Variants in NCOR2 observed in about 807,000 individuals in gnomAD.
NCOR2 encodes the protein CTG repeat protein 26.
NCOR2 carries 81 observed loss-of-function variants against 262.9 expected under a neutral mutation model. The ratio of observed to expected loss-of-function variants is 0.31; its 90% confidence interval spans 0.26 to 0.37. NCOR2 has a LOEUF of 0.37. Ranked by LOEUF, NCOR2 falls within the 10% of genes least tolerant of loss-of-function variation. The pLI is 1.00. For synonymous variants in NCOR2, 1,659 were observed against 1,559.3 expected, an observed-to-expected ratio of 1.06 and a Z score of -1.51; for missense variants, 3,385 against 3,621.4, an observed-to-expected ratio of 0.93 and a Z score of 1.68.
intron 32 of NCOR2, among the ~76,000 whole-genome samples, chr12:124,344,178 G>C (rs2036717491): frequency 6.6e-6 from 1 of 152,258 alleles, no homozygotes; most frequent in African/African-American, 2.4e-5. Flanking sequence ...AGGGGCTGGG[G>C]CTGGGGAGGA....
chr12:124,336,072 G>C (rs951546510), intron 38 of NCOR2: 1 of 177,488 alleles, frequency 5.6e-6, no homozygotes, highest in Non-Finnish European at 1.2e-5. Flanking sequence ...CAGTCCAACA[G>C]AGAGGAGCCA....
intron 32 of NCOR2, 129 bp from the exon 35 acceptor site, chr12:124,343,355 T>C (rs2036615650): frequency 2.9e-6 from 2 of 699,360 alleles, no homozygotes; most frequent in South Asian, 2.1e-5. Flanking sequence ...TTCATTGCCT[T>C]AGTTCACTTT....
intron 3 of NCOR2, among the ~76,000 whole-genome samples, chr12:124,477,984 G>A (rs1033069892): frequency 1.3e-5 from 2 of 152,176 alleles, no homozygotes; most frequent in Non-Finnish European, 2.9e-5. Flanking sequence ...CCAGCTTCAC[G>A]CACTCCCAAT....
chr12:124,326,199 G>A (rs1473474902), exon 46 of NCOR2: 6 of 1,529,302 alleles, frequency 3.9e-6, no homozygotes, highest in African/African-American at 1.4e-5. Flanking sequence ...ACCTGCGGAC[G>A]AGGGCCTGTC....
chr12:124,442,054 C>T (rs961090483), intron 7 of NCOR2, among the ~76,000 whole-genome samples: 1 of 152,298 alleles, frequency 6.6e-6, no homozygotes, highest in Admixed American at 6.5e-5. Flanking sequence ...CAGACGTTGG[C>T]GGAGAGACGG....
chr12:124,400,505 C>T, exon 15 of NCOR2: 1 of 1,613,012 alleles, frequency 6.2e-7, no homozygotes. Flanking sequence ...GCTCACCCAG[C>T]TCGGCGCTCT....
chr12:124,486,196 T>C (rs944989716), intron 2 of NCOR2, among the ~76,000 whole-genome samples: 8 of 152,202 alleles, frequency 5.3e-5, no homozygotes, highest in African/African-American at 1.7e-4. Flanking sequence ...AGGTCCCCAC[T>C]GCTGCCTAAA....
intron 4 of NCOR2, among the ~76,000 whole-genome samples, 173 bp from the exon 7 acceptor site, chr12:124,466,459 C>G (rs2046424993): frequency 6.6e-6 from 1 of 152,264 alleles, no homozygotes; most frequent in East Asian, 1.9e-4. Context: ...CCGGGAGAGG[C>G]CCCAGCTCCA....
At chr12:124,501,604 C>T (rs1364680258) in intron 1 of NCOR2, among the ~76,000 whole-genome samples, 2 of 152,168 alleles carry the variant, frequency 1.3e-5, no homozygotes, top group African/African-American at 2.4e-5. Context: ...TCTATCTCCA[C>T]GCAGCCTTTC....
intron 30 of NCOR2, chr12:124,347,485 G>C (rs1447776670): frequency 3.6e-6 from 1 of 281,496 alleles, no homozygotes; most frequent in African/African-American, 2.2e-5. Context: ...AGTTCTCGGA[G>C]CTCTCCAAGC....
At chr12:124,438,776 GAC>G (rs2044554199) in intron 7 of NCOR2, among the ~76,000 whole-genome samples, 2 of 45,766 alleles carry the variant, frequency 4.4e-5, no homozygotes, top group Non-Finnish European at 1.1e-4. Flanking sequence ...GACCCAGAGA[GAC>G]AGAGAGAGAG....
chr12:124,532,304 G>A (rs867724774), intron 1 of NCOR2, among the ~76,000 whole-genome samples: 23 of 152,072 alleles, frequency 1.5e-4, no homozygotes, highest in African/African-American at 5.1e-4. Flanking sequence ...TCCCAGAGGG[G>A]CCCCACAGAG....
chr12:124,354,577 A>C, exon 26 of NCOR2: 1 of 1,575,592 alleles, frequency 6.3e-7, no homozygotes, highest in Non-Finnish European at 8.6e-7. Flanking sequence ...ACTCCGCTGA[A>C]GGGTGCTGAG....
intron 1 of NCOR2, among the ~76,000 whole-genome samples, chr12:124,527,060 C>T (rs776656458): frequency 1.7e-4 from 26 of 152,218 alleles, no homozygotes; most frequent in Non-Finnish European, 2.1e-4. Context: ...TTTTATTTTA[C>T]AGTTCAGAAT....
At chr12:124,326,315 G>A in exon 46 of NCOR2, 4 of 1,547,964 alleles carry the variant, frequency 2.6e-6, no homozygotes, top group Non-Finnish European at 3.5e-6. Context: ...CCGGGGCCGG[G>A]GACTTGGCTT....
exon 22 of NCOR2, chr12:124,362,193 G>A (rs775540955): frequency 3.1e-6 from 4 of 1,311,242 alleles, no homozygotes; most frequent in Non-Finnish European, 2.9e-6. Context: ...GCTGCTGAGG[G>A]GCGTCGCTCT....
At position 124,457,774 on chromosome 12, in the gene NCOR2, T is replaced by A. The variant is rs2045959549; in HGVS notation, c.706-612A>T. Among the ~76,000 whole-genome samples, 1 of 150,826 alleles carries A rather than the reference T, an allele frequency of 6.6e-6. No individual in the cohort carries two copies. The highest frequency in any genetic ancestry group is 1.5e-5 in the Non-Finnish European group (1 of 67,614). ...ATGTGGCGCAGGGCTCGGTGGCCGC[T>A]CCATCAATAGGCTGGACCTCCGGGC... On this transcript the variant is annotated intron_variant, in intron 5 of 46. Transcript: ENST00000405201. This position sits in a 1 kb window ranked among gnomAD's most constrained non-coding sequence, Gnocchi z 4.0.
upstream of NCOR2, among the ~76,000 whole-genome samples, chr12:124,537,649 T>C (rs896097109): frequency 1.3e-5 from 2 of 152,166 alleles, no homozygotes; most frequent in African/African-American, 4.8e-5. Context: ...TGTGTGCCAC[T>C]CCAGTGTGTG....
At chr12:124,534,274 T>C (rs1054057873) in intron 1 of NCOR2, among the ~76,000 whole-genome samples, 2 of 152,120 alleles carry the variant, frequency 1.3e-5, no homozygotes, top group African/African-American at 2.4e-5. Flanking sequence ...CTGGCCAACA[T>C]GGCGAAACCC....
Sources: allele counts gnomAD v4.1 joint callset (sites outside exome capture counted in the v4.1 genomes callset), GRCh38; gene constraint gnomAD v4.1.1; non-coding constraint Gnocchi (gnomAD v3.1); transcripts MANE v1.5; gene names NCBI Gene and HGNC (gene_info 2026-07-23, HGNC 2026-07-21).